Variants in MED27 observed in about 807,000 individuals in gnomAD.
MED27 encodes the protein mediator of RNA polymerase II transcription subunit 27.
In MED27, 30 loss-of-function variants were observed where a neutral mutation model predicts 38.2. That is an observed-to-expected ratio of 0.79 (90% CI 0.59 to 1.07). The LOEUF is 1.07. Ranked by LOEUF, MED27 falls within the 50% of genes least tolerant of loss-of-function variation. The pLI, the probability that MED27 is intolerant of heterozygous loss-of-function variation, is 0.00. For synonymous variants in MED27, 122 were observed against 153.5 expected, an observed-to-expected ratio of 0.79 and a Z score of 1.52; for missense variants, 289 against 397.5, an observed-to-expected ratio of 0.73 and a Z score of 2.32.
chr9:131,949,733 G>A (rs531558838), intron 3 of MED27, among the ~76,000 whole-genome samples: 2 of 152,254 alleles, frequency 1.3e-5, no homozygotes, highest in South Asian at 4.1e-4. Context: ...GTGCCTAAGT[G>A]AGCTCAGGGA....
chr9:131,989,096 G>A (rs1371400163), intron 3 of MED27, among the ~76,000 whole-genome samples: 1 of 152,124 alleles, frequency 6.6e-6, no homozygotes, highest in Non-Finnish European at 1.5e-5. Flanking sequence ...GAGAGAAATG[G>A]TGCTAGATTT....
intron 2 of MED27, among the ~76,000 whole-genome samples, chr9:132,041,180 G>A (rs1166461554): frequency 6.6e-6 from 1 of 152,228 alleles, no homozygotes; most frequent in Non-Finnish European, 1.5e-5. Context: ...GTGTCCCTCA[G>A]CACCTAATGT....
chr9:131,881,126 C>A (rs1839028991), intron 6 of MED27, among the ~76,000 whole-genome samples: 1 of 152,078 alleles, frequency 6.6e-6, no homozygotes, highest in Admixed American at 6.6e-5. Context: ...GAAAAGCTGA[C>A]CATTTTAATG....
chr9:131,983,747 T>C (rs1239566913), intron 3 of MED27, among the ~76,000 whole-genome samples: 2 of 152,238 alleles, frequency 1.3e-5, no homozygotes, highest in Non-Finnish European at 2.9e-5. Flanking sequence ...GCTTCTATAT[T>C]TGAAATAACC....
At position 131,883,927 on chromosome 9, in the gene MED27, C is replaced by G. The variant is rs1313620742; in HGVS notation, c.723+131G>C. Reference sequence around the variant, plus strand: ...AGAATGTCATACATATGGAATCAGACAGTGAGCATCCTTTTCTGTCTGGCT... The same window carrying G: ...AGAATGTCATACATATGGAATCAGAGAGTGAGCATCCTTTTCTGTCTGGCT... On this transcript the variant is annotated intron_variant, in intron 6 of 7. Coordinates refer to ENST00000292035, the MANE Select transcript of MED27 (RefSeq NM_004269.4). This position sits in a 1 kb window ranked among gnomAD's most constrained non-coding sequence, Gnocchi z 4.2. The G allele has an allele frequency of 1.4e-6, 1 of 728,524 alleles. No homozygotes were observed. The highest frequency in any genetic ancestry group is 2.3e-6 in the Non-Finnish European group (1 of 442,402). 45.1% of individuals were successfully genotyped at this position (728,524 alleles called of 1,614,324 possible). A position where few individuals can be genotyped will look rare whatever the true frequency, so the allele number is the denominator to read the frequency against.
At chr9:131,936,545 C>T (rs573868794) in intron 4 of MED27, among the ~76,000 whole-genome samples, 2 of 152,354 alleles carry the variant, frequency 1.3e-5, no homozygotes, top group African/African-American at 2.4e-5. Context: ...GGGCAAGGAG[C>T]AACTGCAGGC....
At chr9:131,961,233 G>A (rs908526302) in intron 3 of MED27, among the ~76,000 whole-genome samples, 1 of 152,196 alleles carries the variant, frequency 6.6e-6, no homozygotes, top group African/African-American at 2.4e-5. Context: ...CGTAAAAATG[G>A]CCCGCACGTG....
chr9:131,959,828 TC>T lies in MED27; in HGVS notation c.480-20355del, dbSNP rs1195656579. 2.0e-5 allele frequency among the ~76,000 whole-genome samples: 3 copies of T among 152,244 alleles called. 1 individual carries two copies. Among genetic ancestry groups the T allele is most frequent in the South Asian group, 4.1e-4 (2 of 4,826 alleles). On this transcript the variant is annotated intron_variant, in intron 3 of 7. Coordinates refer to ENST00000292035, the MANE Select transcript of MED27 (RefSeq NM_004269.4). ...TATCAGTATATAACAGCAGAACAAT[TC>T]CAAGTACCATTCTGGCATAAAATAC...
chr9:131,867,960 C>T (rs751268145), intron 6 of MED27, among the ~76,000 whole-genome samples: 1 of 152,112 alleles, frequency 6.6e-6, no homozygotes, highest in Non-Finnish European at 1.5e-5. Flanking sequence ...GGAGAATGGC[C>T]CCCAGAGGGC....
chr9:132,008,241 C>T (rs1169377997), intron 3 of MED27, among the ~76,000 whole-genome samples: 3 of 152,212 alleles, frequency 2.0e-5, no homozygotes, highest in Non-Finnish European at 2.9e-5. Flanking sequence ...AACACAGCTA[C>T]ATCTCTCAAT....
chr9:131,874,332 T>C (rs1192857966), intron 6 of MED27, among the ~76,000 whole-genome samples: 1 of 152,148 alleles, frequency 6.6e-6, no homozygotes, highest in Non-Finnish European at 1.5e-5. Context: ...GCCAGACCTA[T>C]GACCAGATGC....
chr9:132,047,603 C>T (rs1314917807), intron 2 of MED27, among the ~76,000 whole-genome samples: 1 of 151,936 alleles, frequency 6.6e-6, no homozygotes, highest in East Asian at 1.9e-4. Context: ...GAGACTCTAT[C>T]TTTAGGAAAT....
At chr9:131,989,014 G>C (rs970473890) in intron 3 of MED27, among the ~76,000 whole-genome samples, 2 of 152,138 alleles carry the variant, frequency 1.3e-5, no homozygotes, top group African/African-American at 4.8e-5. Flanking sequence ...GACTGCCATG[G>C]TGGCTTGCTG....
At chr9:131,987,419 A>G (rs981048267) in intron 3 of MED27, among the ~76,000 whole-genome samples, 4 of 152,104 alleles carry the variant, frequency 2.6e-5, no homozygotes, top group African/African-American at 4.8e-5. Flanking sequence ...CATTTACTCA[A>G]TGCGGGGAGG....
chr9:132,059,901 C>A (rs1589295602), intron 2 of MED27, among the ~76,000 whole-genome samples: 1 of 152,162 alleles, frequency 6.6e-6, no homozygotes, highest in East Asian at 1.9e-4. Context: ...CTGAGGGAGC[C>A]CTGAGCTAAG....
At chr9:131,888,102 G>A (rs1330531562) in intron 5 of MED27, among the ~76,000 whole-genome samples, 2 of 152,168 alleles carry the variant, frequency 1.3e-5, no homozygotes, top group African/African-American at 4.8e-5. Flanking sequence ...AGTATCAGCA[G>A]GCAGGTGATT....
intron 3 of MED27, among the ~76,000 whole-genome samples, chr9:132,004,953 T>C (rs1832326126): frequency 6.6e-6 from 1 of 152,118 alleles, no homozygotes; most frequent in Non-Finnish European, 1.5e-5. Flanking sequence ...TCTCACAACA[T>C]GGGGCACAAA....
At chr9:132,011,501 C>T (rs1832486761) in intron 3 of MED27, among the ~76,000 whole-genome samples, 1 of 152,098 alleles carries the variant, frequency 6.6e-6, no homozygotes, top group Admixed American at 6.6e-5. Flanking sequence ...ATAGTAGGTG[C>T]TCAGTGGAAG....
At position 131,997,201 on chromosome 9, in the gene MED27, C is replaced by A. The variant is rs1832109877; in HGVS notation, c.479+17136G>T. 1.3e-5 allele frequency among the ~76,000 whole-genome samples: 2 copies of A among 152,094 alleles called. No individual in the cohort carries two copies. On this transcript the variant is annotated intron_variant, in intron 3 of 7. Coordinates refer to ENST00000292035, the MANE Select transcript of MED27 (RefSeq NM_004269.4). The surrounding 1 kb of genome is among the most constrained non-coding windows in gnomAD (Gnocchi z 4.0). Reference sequence around the variant, plus strand: ...TTCCGGAGAATAAAGAATTAACTTCCAGCATGCTGGAGCTTAGCCATCTAG... The same window carrying A: ...TTCCGGAGAATAAAGAATTAACTTCAAGCATGCTGGAGCTTAGCCATCTAG...
Sources: allele counts gnomAD v4.1 joint callset (sites outside exome capture counted in the v4.1 genomes callset), GRCh38; gene constraint gnomAD v4.1.1; non-coding constraint Gnocchi (gnomAD v3.1); transcripts MANE v1.5; gene names NCBI Gene and HGNC (gene_info 2026-07-23, HGNC 2026-07-21).